The following RANBP2 variants were observed in gnomAD, a reference collection of about 807,000 sequenced individuals.
RANBP2 encodes the protein E3 SUMO-protein ligase RanBP2.
In RANBP2, 57 loss-of-function variants were observed where a neutral mutation model predicts 303.6. The observed-to-expected ratio is 0.19, with a 90% CI of 0.15 to 0.23. The LOEUF (loss-of-function observed/expected upper bound fraction) is 0.23, where lower values mean the gene tolerates loss of function less well. Among genes scored for constraint, RANBP2 ranks in the 10% least tolerant of loss-of-function variants. RANBP2 has a pLI of 1.00. For missense variants in RANBP2, 3,138 were observed against 3,780.8 expected, an observed-to-expected ratio of 0.83 and a Z score of 4.46; for synonymous variants, 1,167 against 1,301.5, an observed-to-expected ratio of 0.90 and a Z score of 2.23.
At chr2:109,129,141 C>T in the RANBP2 span, 1 of 380,918 alleles carries the variant, frequency 2.6e-6, no homozygotes, top group South Asian at 1.9e-5. Flanking sequence ...TCCCCGGGGA[C>T]CTGGCCGGCC....
the RANBP2 span, among the ~76,000 whole-genome samples, chr2:108,898,105 A>G: frequency 1.5e-4 from 23 of 152,220 alleles, no homozygotes; most frequent in Non-Finnish European, 1.8e-4. Flanking sequence ...AGCATAAAAC[A>G]TTTAGACAAT....
At chr2:109,343,606 G>A in the RANBP2 span, among the ~76,000 whole-genome samples, 12 of 152,232 alleles carry the variant, frequency 7.9e-5, no homozygotes, top group African/African-American at 1.9e-4. Flanking sequence ...TGCTTGCTCC[G>A]AGAATCATGC....
the RANBP2 span, among the ~76,000 whole-genome samples, chr2:109,307,668 G>A: frequency 7.9e-4 from 113 of 143,764 alleles, 2 homozygotes; most frequent in Middle Eastern, 3.5e-3. Context: ...GTGAGAATAT[G>A]TGGTGTTTGG....
chr2:109,099,263 T>A, the RANBP2 span, among the ~76,000 whole-genome samples: 1 of 152,212 alleles, frequency 6.6e-6, no homozygotes, highest in Non-Finnish European at 1.5e-5. Context: ...GCAGTAAACA[T>A]TAACTTAATG....
At chr2:108,807,785 T>C in the RANBP2 span, among the ~76,000 whole-genome samples, 2 of 152,058 alleles carry the variant, frequency 1.3e-5, no homozygotes, top group African/African-American at 4.8e-5. Context: ...ACCTGGCTAA[T>C]TTTTGTATTT....
the RANBP2 span, among the ~76,000 whole-genome samples, chr2:109,154,188 G>A: frequency 3.3e-5 from 5 of 152,226 alleles, no homozygotes; most frequent in South Asian, 6.2e-4. Flanking sequence ...GGGCTCAGCA[G>A]ATGGGTCTAA....
chr2:108,881,831 AACAATT>A, the RANBP2 span, among the ~76,000 whole-genome samples: 1 of 152,284 alleles, frequency 6.6e-6, no homozygotes, highest in South Asian at 2.1e-4. Flanking sequence ...GGCATCCTGA[AACAATT>A]ACAATAGTAA....
intron 18 of RANBP2, among the ~76,000 whole-genome samples, chr2:108,760,258 C>G (rs919830354): frequency 1.3e-5 from 2 of 152,176 alleles, no homozygotes; most frequent in African/African-American, 2.4e-5. Context: ...GCATTTCCTT[C>G]TAGTTCTTTC....
At chr2:109,614,367 C>T in the RANBP2 span, 5 of 813,488 alleles carry the variant, frequency 6.1e-6, no homozygotes, top group Middle Eastern at 4.5e-4. Context: ...TGGCCTCAGA[C>T]GCGTAGGCTG....
chr2:109,020,431 T>C, the RANBP2 span, among the ~76,000 whole-genome samples: 1 of 152,214 alleles, frequency 6.6e-6, no homozygotes, highest in South Asian at 2.1e-4. Context: ...AGTCAAGTGA[T>C]AGCTAAAGGG....
chr2:109,094,211 T>C, the RANBP2 span, among the ~76,000 whole-genome samples: 18 of 152,124 alleles, frequency 1.2e-4, no homozygotes, highest in Non-Finnish European at 2.6e-4. Context: ...TCATGGGGGA[T>C]GGGCTGATTA....
the RANBP2 span, among the ~76,000 whole-genome samples, chr2:109,022,310 C>G: frequency 6.6e-6 from 1 of 152,202 alleles, no homozygotes; most frequent in East Asian, 1.9e-4. Context: ...ACTCATGTGC[C>G]GCTGCCACAG....
At chr2:108,772,722 A>G (rs2149300806) in intron 22 of RANBP2, 141 bp downstream of exon 22, 3 of 1,217,514 alleles carry the variant, frequency 2.5e-6, no homozygotes, top group Non-Finnish European at 2.3e-6. Flanking sequence ...ACAGGTGAAA[A>G]TATTCTTTTC....
At chr2:109,078,110 A>G in the RANBP2 span, among the ~76,000 whole-genome samples, 4 of 84,026 alleles carry the variant, frequency 4.8e-5, 1 homozygote, top group East Asian at 3.6e-3. Context: ...ATATATATAT[A>G]TATATATAGC....
At chr2:109,481,569 A>G in the RANBP2 span, among the ~76,000 whole-genome samples, 2 of 152,004 alleles carry the variant, frequency 1.3e-5, no homozygotes, top group African/African-American at 4.8e-5. Flanking sequence ...GTCCCATTGC[A>G]TCTTCCCTCT....
the RANBP2 span, among the ~76,000 whole-genome samples, chr2:109,258,234 G>A: frequency 6.6e-6 from 1 of 152,188 alleles, no homozygotes; most frequent in African/African-American, 2.4e-5. Context: ...GTGGGGGACA[G>A]CCTGGCGCTG....
the RANBP2 span, among the ~76,000 whole-genome samples, chr2:109,125,209 C>T: frequency 2.0e-5 from 3 of 152,264 alleles, no homozygotes; most frequent in African/African-American, 7.2e-5. Context: ...GGTGCTTCCT[C>T]TGCCCACGTC....
At chr2:108,848,145 T>A in the RANBP2 span, among the ~76,000 whole-genome samples, 1 of 152,150 alleles carries the variant, frequency 6.6e-6, no homozygotes, top group East Asian at 1.9e-4. Context: ...ATAAGAAAAA[T>A]TATTAATCAT....
At chr2:109,513,174 C>T in the RANBP2 span, among the ~76,000 whole-genome samples, 2 of 152,190 alleles carry the variant, frequency 1.3e-5, no homozygotes, top group East Asian at 3.8e-4. Flanking sequence ...GGAATTTCTT[C>T]CCAAAAGAAA....
Sources: allele counts gnomAD v4.1 joint callset (sites outside exome capture counted in the v4.1 genomes callset), GRCh38; gene constraint gnomAD v4.1.1; transcripts MANE v1.5; gene names NCBI Gene and HGNC (gene_info 2026-07-23, HGNC 2026-07-21).